LGR5: variants seen among roughly 807,000 people sequenced by gnomAD.
LGR5 encodes the protein leucine-rich repeat-containing G protein-coupled receptor 5.
In LGR5, 54 loss-of-function variants were observed where a neutral mutation model predicts 76.7. The observed-to-expected ratio is 0.70, with a 90% confidence interval of 0.57 to 0.88. The LOEUF (loss-of-function observed/expected upper bound fraction) is 0.88. Among genes scored for constraint, LGR5 ranks in the 40% least tolerant of loss-of-function variants. The probability of loss-of-function intolerance (pLI) is 0.00; values close to 1 mark genes in which losing one functional copy is unlikely to be tolerated. For synonymous variants in LGR5, 406 were observed against 421.9 expected (o/e 0.96, Z 0.46); for missense variants, 1,078 against 1,073.3 (o/e 1.00, Z -0.06).
chr12:71,512,154 G>A (rs1413232977), intron 2 of LGR5, among the ~76,000 whole-genome samples: 1 of 152,070 alleles, frequency 6.6e-6, no homozygotes, highest in Non-Finnish European at 1.5e-5. Context: ...ATCATGCCCA[G>A]CTAATTTTTG....
chr12:71,547,984 C>G (rs1877278667), intron 4 of LGR5, among the ~76,000 whole-genome samples: 1 of 152,062 alleles, frequency 6.6e-6, no homozygotes, highest in South Asian at 2.1e-4. Context: ...AACAGACCCC[C>G]CCCAAAAGGA....
At chr12:71,447,450 T>G (rs959897309) in intron 1 of LGR5, among the ~76,000 whole-genome samples, 1 of 152,226 alleles carries the variant, frequency 6.6e-6, no homozygotes, top group Non-Finnish European at 1.5e-5. Flanking sequence ...TTAGGATATG[T>G]TTGGGGTACA....
chr12:71,582,264 A>G (rs749928465), intron 16 of LGR5, 192 bp from the exon 17 acceptor site: 25 of 537,096 alleles, frequency 4.7e-5, no homozygotes, highest in South Asian at 3.7e-4. Context: ...CCCCAGTTGT[A>G]CTAGAATAGT....
chr12:71,537,345 C>T (rs1408985655), intron 4 of LGR5, among the ~76,000 whole-genome samples: 2 of 151,892 alleles, frequency 1.3e-5, no homozygotes, highest in African/African-American at 2.4e-5. Context: ...GACATGTGCC[C>T]GCAGTCCCAG....
intron 4 of LGR5, among the ~76,000 whole-genome samples, chr12:71,543,080 A>T (rs1876967992): frequency 6.6e-6 from 1 of 152,164 alleles, no homozygotes; most frequent in Non-Finnish European, 1.5e-5. Context: ...TATCAGACTG[A>T]ACTGAAACCT....
intron 3 of LGR5, among the ~76,000 whole-genome samples, chr12:71,531,861 C>T (rs1295731864): frequency 6.6e-6 from 1 of 152,098 alleles, no homozygotes; most frequent in Non-Finnish European, 1.5e-5. Flanking sequence ...GAGTGAGACC[C>T]TGTCCCCCCT....
At chr12:71,522,945 A>G (rs1565717951) in intron 2 of LGR5, among the ~76,000 whole-genome samples, 5 of 152,208 alleles carry the variant, frequency 3.3e-5, no homozygotes, top group Admixed American at 2.0e-4. Flanking sequence ...AGATAAGCAG[A>G]GCCTCTTGGA....
chr12:71,534,242 A>T (rs749790706), intron 3 of LGR5, among the ~76,000 whole-genome samples: 1 of 152,218 alleles, frequency 6.6e-6, no homozygotes, highest in Non-Finnish European at 1.5e-5. Flanking sequence ...AAGGAATCTC[A>T]TGGGAATTTG....
chr12:71,445,335 C>A (rs909027315), intron 1 of LGR5, among the ~76,000 whole-genome samples: 3 of 152,130 alleles, frequency 2.0e-5, no homozygotes, highest in African/African-American at 7.2e-5. Context: ...ACAAATAAAA[C>A]AAAATGAGCT....
intron 2 of LGR5, among the ~76,000 whole-genome samples, chr12:71,519,009 C>A (rs11178837): frequency 0.073 from 11,111 of 152,160 alleles, 907 homozygotes; most frequent in East Asian, 0.43. Context: ...ACAAAAGGGT[C>A]CCATCAGAAG....
intron 8 of LGR5, among the ~76,000 whole-genome samples, 159 bp downstream of exon 8, chr12:71,562,011 G>A (rs1259824060): frequency 1.3e-5 from 2 of 152,140 alleles, no homozygotes; most frequent in African/African-American, 4.8e-5. Context: ...CCAGGTTCTA[G>A]CTGAACACTG....
intron 1 of LGR5, among the ~76,000 whole-genome samples, chr12:71,470,758 A>C (rs1374232509): frequency 2.0e-5 from 3 of 152,154 alleles, no homozygotes; most frequent in Non-Finnish European, 4.4e-5. Flanking sequence ...GACACCTTAC[A>C]ACAAACCATC....
chr12:71,481,632 T>C (rs1873607813), intron 1 of LGR5, among the ~76,000 whole-genome samples: 1 of 152,090 alleles, frequency 6.6e-6, no homozygotes, highest in African/African-American at 2.4e-5. Flanking sequence ...TTCGATGAAA[T>C]GTGGGTGGGG....
At chr12:71,456,138 A>G (rs1272996827) in intron 1 of LGR5, among the ~76,000 whole-genome samples, 1 of 152,142 alleles carries the variant, frequency 6.6e-6, no homozygotes, top group Non-Finnish European at 1.5e-5. Flanking sequence ...ATTCCCACAC[A>G]TGACTATGCT....
chr12:71,455,919 A>G (rs995695108), intron 1 of LGR5, among the ~76,000 whole-genome samples: 1 of 152,174 alleles, frequency 6.6e-6, no homozygotes, highest in Non-Finnish European at 1.5e-5. Flanking sequence ...AAGATCCTCT[A>G]AAACACTGAG....
intron 13 of LGR5, among the ~76,000 whole-genome samples, chr12:71,575,650 G>T (rs1878814080): frequency 5.3e-5 from 8 of 152,222 alleles, no homozygotes; most frequent in Admixed American, 5.2e-4. Context: ...GGCAGGGTTT[G>T]CAGTGAGCTG....
At chr12:71,539,893 A>G (rs982163854) in intron 4 of LGR5, among the ~76,000 whole-genome samples, 1 of 152,240 alleles carries the variant, frequency 6.6e-6, no homozygotes, top group Non-Finnish European at 1.5e-5. Flanking sequence ...CAGTATGTAC[A>G]TTTGGCTTCT....
chr12:71,584,115 G>A lies in LGR5; in HGVS notation c.2105G>A (p.Gly702Asp). 6.2e-7 allele frequency: 1 copy of A among 1,614,212 alleles called. No homozygotes were observed. Among genetic ancestry groups the A allele is most frequent in the Non-Finnish European group, 8.5e-7 (1 of 1,180,050 alleles). ...ACCATGGCCGCAGTTCCCCTGCTGG[G>A]TGGCAGCAAGTATGGCGCCTCCCCT... ...ALTMAAVPLL[G>D]GSKYGASPLC... Residue 702 changes from glycine to aspartate, a missense_variant, in exon 18 of 18, where the codon GGT (glycine) becomes GAT (aspartate). Transcript: ENST00000266674.
intron 1 of LGR5, among the ~76,000 whole-genome samples, chr12:71,475,049 C>A (rs1374191292): frequency 6.6e-6 from 1 of 152,114 alleles, no homozygotes; most frequent in African/African-American, 2.4e-5. Context: ...ATTGGAATTG[C>A]AAGTAGGGTT....
Sources: gnomAD v4.1 joint callset for allele counts (sites outside exome capture counted in the v4.1 genomes callset) on GRCh38, gnomAD v4.1.1 for gene constraint, MANE v1.5 for transcripts, NCBI Gene and HGNC (gene_info 2026-07-23, HGNC 2026-07-21) for gene names.